Variants in TAOK3 observed in about 807,000 individuals in gnomAD.
TAOK3 encodes the protein serine/threonine-protein kinase TAO3.
TAOK3 carries 40 observed loss-of-function variants against 120.4 expected under a neutral mutation model. The observed-to-expected ratio is 0.33, with a 90% CI of 0.26 to 0.43. The LOEUF (loss-of-function observed/expected upper bound fraction) is 0.43, where lower values mean the gene tolerates loss of function less well. Ranked by LOEUF, TAOK3 falls within the 20% of genes least tolerant of loss-of-function variation. TAOK3 has a pLI of 1.00. For missense variants in TAOK3, 821 were observed against 1,112.1 expected (o/e 0.74, Z 3.72); for synonymous variants, 355 against 387.5 (o/e 0.92, Z 0.99).
At chr12:118,166,802 A>ATGTGTG (rs143091392) in intron 17 of TAOK3, among the ~76,000 whole-genome samples, 13,736 of 141,356 alleles carry the variant, frequency 0.097, 831 homozygotes, top group Middle Eastern at 0.13. Flanking sequence ...TACTCAATGT[A>ATGTGTG]TGTGTGTGTG....
At chr12:118,368,208 A>T (rs116773824) in intron 1 of TAOK3, among the ~76,000 whole-genome samples, 1,580 of 152,134 alleles carry the variant, frequency 0.01, 29 homozygotes, top group African/African-American at 0.036. Flanking sequence ...TATTATTATT[A>T]TTTTTTGAGA....
chr12:118,208,487 G>A (rs147782982), intron 11 of TAOK3, among the ~76,000 whole-genome samples: 8 of 151,970 alleles, frequency 5.3e-5, no homozygotes, highest in East Asian at 3.9e-4. Flanking sequence ...TTCAACTTAC[G>A]AGAGAGATGT....
At position 118,243,407 on chromosome 12, in the gene TAOK3, C is replaced by T. The variant is rs779372246; in HGVS notation, c.294+8G>A. 54 of 1,499,672 alleles carry T rather than the reference C, an allele frequency of 3.6e-5. No homozygotes were observed. The highest frequency in any genetic ancestry group is 1.6e-4 in the South Asian group (13 of 82,998). 92.9% of individuals were successfully genotyped at this position (1,499,672 alleles called of 1,614,324 possible). On this transcript the variant is annotated splice_region_variant and intron_variant, in intron 5 of 20. Coordinates refer to ENST00000392533, the MANE Select transcript of TAOK3 (RefSeq NM_016281.4). ...ATAGTAAAAGATAATAGAGGTCCTTCGACTTACCCAAGCAGTGTGTTCTTT... is the reference window on the plus strand; with the variant it reads ...ATAGTAAAAGATAATAGAGGTCCTTTGACTTACCCAAGCAGTGTGTTCTTT...
intron 1 of TAOK3, among the ~76,000 whole-genome samples, chr12:118,316,798 C>A (rs974334882): frequency 2.0e-5 from 3 of 152,038 alleles, no homozygotes; most frequent in African/African-American, 7.3e-5. Flanking sequence ...TAGCAAAGTT[C>A]CAGGGTATAA....
intron 1 of TAOK3, among the ~76,000 whole-genome samples, chr12:118,311,414 T>C (rs1341816087): frequency 1.3e-5 from 2 of 152,164 alleles, no homozygotes; most frequent in East Asian, 1.9e-4. Flanking sequence ...TAAGCCAAGG[T>C]TGTGCCATTG....
chr12:118,219,702 T>C (rs906718859), intron 9 of TAOK3, among the ~76,000 whole-genome samples: 6 of 151,736 alleles, frequency 4.0e-5, no homozygotes, highest in Admixed American at 1.3e-4. Context: ...TCAGGTGATG[T>C]TCCCATTTCT....
At position 118,269,151 on chromosome 12, in the gene TAOK3, C is replaced by CTCTT. The variant is rs563253363; in HGVS notation, c.-193-2396_-193-2393dup. Among the ~76,000 whole-genome samples the CTCTT allele has an allele frequency of 2.0e-5, 3 of 151,692 alleles. No homozygotes were observed. The South Asian group carries it at 6.3e-4, about 32-fold the overall frequency. ...TCTTTCTTTCTTCTCTTTCTTCTCT[C>CTCTT]TCTTTCTTTCTTTCTTTTTTTATTT... is the stretch of plus-strand genomic sequence containing the variant. On this transcript the variant is annotated intron_variant, in intron 1 of 20. Transcript: ENST00000392533.
chr12:118,328,202 AG>A (rs2044008547), intron 1 of TAOK3, among the ~76,000 whole-genome samples: 1 of 152,038 alleles, frequency 6.6e-6, no homozygotes, highest in South Asian at 2.1e-4. Flanking sequence ...CTGGGATTAC[AG>A]CCACCCGCCA....
chr12:118,208,620 A>G (rs1349558914), intron 11 of TAOK3, among the ~76,000 whole-genome samples: 2 of 152,208 alleles, frequency 1.3e-5, no homozygotes, highest in East Asian at 3.8e-4. Flanking sequence ...AATTGGTGCA[A>G]CTGCTTTGAA....
chr12:118,221,147 A>T (rs940844011), intron 9 of TAOK3, among the ~76,000 whole-genome samples: 2 of 152,258 alleles, frequency 1.3e-5, no homozygotes, highest in Non-Finnish European at 2.9e-5. Flanking sequence ...TAGCTTCCAA[A>T]GCCTAAAATG....
rs1593463445 is a variant in TAOK3 at position 118,301,083 on chromosome 12, A to T, written c.-193-34324T>A. ...GAGCCACTGCATCCTGCCTATTTTT[A>T]AAATTTTTACCTCCATCATACAGCC... is the stretch of plus-strand genomic sequence containing the variant. On this transcript the variant is annotated intron_variant, in intron 1 of 20. Coordinates refer to ENST00000392533, the MANE Select transcript of TAOK3 (RefSeq NM_016281.4). Among the ~76,000 whole-genome samples the T allele has an allele frequency of 2.6e-5, 4 of 152,076 alleles. No homozygotes were observed. In the South Asian group the frequency reaches 6.2e-4, roughly 24 times the overall value.
rs555274926 is a variant in TAOK3, at chr12:118,362,949, G to A, written c.-194+9699C>T. Among the ~76,000 whole-genome samples, 30 of 149,744 alleles carry A rather than the reference G, an allele frequency of 2.0e-4. No individual in the cohort carries two copies. In the South Asian group the frequency reaches 5.9e-3, roughly 30 times the overall value. On this transcript the variant is annotated intron_variant, in intron 1 of 20. Transcript: ENST00000392533. ...CAGGAGAATTGCTTGAACCTGGGAG[G>A]CGGAGGTGGCAGTGAGCCAGGATTG...
intron 1 of TAOK3, among the ~76,000 whole-genome samples, chr12:118,289,539 T>C (rs1395662446): frequency 6.6e-6 from 1 of 152,164 alleles, no homozygotes; most frequent in Non-Finnish European, 1.5e-5. Flanking sequence ...AAAATATGTT[T>C]CCAAAGACTC....
intron 13 of TAOK3, among the ~76,000 whole-genome samples, chr12:118,196,368 A>G (rs1050955657): frequency 6.6e-6 from 1 of 152,144 alleles, no homozygotes; most frequent in African/African-American, 2.4e-5. Flanking sequence ...TTGAAAAAGC[A>G]AATTTATTTC....
intron 1 of TAOK3, among the ~76,000 whole-genome samples, chr12:118,282,646 G>A (rs1201204744): frequency 6.6e-6 from 1 of 152,190 alleles, no homozygotes; most frequent in Non-Finnish European, 1.5e-5. Context: ...TAGGCCCCTA[G>A]GGAGGAAAGA....
chr12:118,253,735 AAAACAAAC>A (rs1555232275), intron 3 of TAOK3, among the ~76,000 whole-genome samples: 1 of 113,744 alleles, frequency 8.8e-6, no homozygotes, highest in African/African-American at 3.5e-5. Flanking sequence ...AGACTGTCTT[AAAACAAAC>A]AAACAAACAA....
chr12:118,299,771 T>C (rs776814056), intron 1 of TAOK3, among the ~76,000 whole-genome samples: 1 of 152,030 alleles, frequency 6.6e-6, no homozygotes, highest in Non-Finnish European at 1.5e-5. Context: ...TGGTCTCCCA[T>C]AGTGCTGGAA....
intron 14 of TAOK3, among the ~76,000 whole-genome samples, chr12:118,183,687 C>A (rs903053946): frequency 1.3e-5 from 2 of 152,048 alleles, no homozygotes; most frequent in African/African-American, 4.8e-5. Context: ...GAAAGGATAC[C>A]ATTTAGTCCT....
chr12:118,180,247 CT>C (rs1370191676), intron 15 of TAOK3, among the ~76,000 whole-genome samples: 92 of 137,084 alleles, frequency 6.7e-4, no homozygotes, highest in African/African-American at 5.4e-4. Flanking sequence ...TGTGCCTGGC[CT>C]TTTTTTTTTT....
Sources: allele counts gnomAD v4.1 joint callset (sites outside exome capture counted in the v4.1 genomes callset), GRCh38; gene constraint gnomAD v4.1.1; transcripts MANE v1.5; gene names NCBI Gene and HGNC (gene_info 2026-07-23, HGNC 2026-07-21).